TUT4: variants seen among roughly 807,000 people sequenced by gnomAD.
TUT4 encodes terminal uridylyltransferase 4.
A neutral mutation model predicts 192.2 loss-of-function variants in TUT4; 36 were observed. That is an observed-to-expected ratio of 0.19 (90% confidence interval 0.14 to 0.25). TUT4 has a LOEUF of 0.25. Ranked by LOEUF, TUT4 falls within the 10% of genes least tolerant of loss-of-function variation. TUT4 has a pLI of 1.00. For synonymous variants in TUT4, 618 were observed against 666.0 expected, an observed-to-expected ratio of 0.93 and a Z score of 1.11; for missense variants, 1,493 against 1,957.2, an observed-to-expected ratio of 0.76 and a Z score of 4.47.
intron 3 of TUT4, among the ~76,000 whole-genome samples, chr1:52,510,037 G>GT (rs1676679905): frequency 6.6e-6 from 1 of 152,108 alleles, no homozygotes; most frequent in Non-Finnish European, 1.5e-5. Flanking sequence ...GTCGGGCTGA[G>GT]TGTGGTGGCT....
chr1:52,470,364 A>G (rs1665402836), intron 14 of TUT4, among the ~76,000 whole-genome samples: 1 of 152,214 alleles, frequency 6.6e-6, no homozygotes, highest in Admixed American at 6.5e-5. Context: ...CTAAGTAAAA[A>G]TAAATGTAAA....
intron 4 of TUT4, among the ~76,000 whole-genome samples, chr1:52,500,947 C>G (rs1328563647): frequency 1.3e-5 from 2 of 151,822 alleles, no homozygotes; most frequent in Admixed American, 1.3e-4. Flanking sequence ...AAGAAAGATA[C>G]TAAAACCTAC....
At chr1:52,493,010 G>A (rs903502625) in intron 7 of TUT4, among the ~76,000 whole-genome samples, 3 of 152,098 alleles carry the variant, frequency 2.0e-5, no homozygotes, top group African/African-American at 7.2e-5. Context: ...TTTTACATAA[G>A]AAATGCCCAT....
At chr1:52,549,733 C>T (rs1688929672) in intron 1 of TUT4, among the ~76,000 whole-genome samples, 1 of 152,140 alleles carries the variant, frequency 6.6e-6, no homozygotes, top group Non-Finnish European at 1.5e-5. Flanking sequence ...AAATCACTAA[C>T]CTCTGTGACT....
chr1:52,430,782 G>A (rs376490703), intron 28 of TUT4, among the ~76,000 whole-genome samples: 5 of 152,162 alleles, frequency 3.3e-5, no homozygotes, highest in African/African-American at 1.2e-4. Flanking sequence ...CTATTTTACA[G>A]ATGAAACCAA....
At chr1:52,511,229 A>G (rs1325144062) in intron 3 of TUT4, among the ~76,000 whole-genome samples, 1 of 152,216 alleles carries the variant, frequency 6.6e-6, no homozygotes, top group Non-Finnish European at 1.5e-5. Context: ...GCCCAAGGCA[A>G]CAAGTAAATA....
At chr1:52,518,696 GA>G (rs1299285000) in intron 2 of TUT4, among the ~76,000 whole-genome samples, 3 of 152,142 alleles carry the variant, frequency 2.0e-5, no homozygotes, top group African/African-American at 7.2e-5. Context: ...GACACTAAAT[GA>G]AAGCCAGACA....
chr1:52,466,657 A>ATAT (rs1379713843), intron 15 of TUT4, among the ~76,000 whole-genome samples: 1 of 133,424 alleles, frequency 7.5e-6, no homozygotes, highest in African/African-American at 3.4e-5. Context: ...AAAAAAAAAA[A>ATAT]AAATATATAT....
intron 2 of TUT4, among the ~76,000 whole-genome samples, chr1:52,519,050 AT>A (rs1339313397): frequency 1.2e-4 from 18 of 152,348 alleles, no homozygotes; most frequent in African/African-American, 4.3e-4. Flanking sequence ...GAAAACATAC[AT>A]CCACACAAAA....
At chr1:52,444,674 C>T (rs1656832168) in intron 24 of TUT4, among the ~76,000 whole-genome samples, 1 of 149,246 alleles carries the variant, frequency 6.7e-6, no homozygotes, top group African/African-American at 2.5e-5. Context: ...AATCATCTTC[C>T]AGTGAACATA....
At chr1:52,426,720 A>G (rs1394581721) in intron 28 of TUT4, among the ~76,000 whole-genome samples, 1 of 152,202 alleles carries the variant, frequency 6.6e-6, no homozygotes, top group Non-Finnish European at 1.5e-5. Flanking sequence ...AAACTGGTAT[A>G]TCCAGAATTA....
At chr1:52,439,495 G>A (rs1306288248) in intron 24 of TUT4, among the ~76,000 whole-genome samples, 1 of 152,154 alleles carries the variant, frequency 6.6e-6, no homozygotes, top group Non-Finnish European at 1.5e-5. Flanking sequence ...AGACTAGTTG[G>A]TCCTAACAGT....
At chr1:52,455,123 A>C (rs1660498792) in intron 20 of TUT4, among the ~76,000 whole-genome samples, 1 of 152,014 alleles carries the variant, frequency 6.6e-6, no homozygotes, top group African/African-American at 2.4e-5. Flanking sequence ...ATCTCTATAA[A>C]ACATACAAAA....
At chr1:52,509,410 G>A (rs866820329) in intron 4 of TUT4, among the ~76,000 whole-genome samples, 186 bp downstream of exon 4, 12 of 152,090 alleles carry the variant, frequency 7.9e-5, no homozygotes, top group Admixed American at 6.6e-5. Flanking sequence ...TGAGCAAACC[G>A]GTCTCAACAA....
At position 52,475,310 on chromosome 1, in the gene TUT4, C is replaced by G. The variant is rs1328940489; in HGVS notation, c.2249G>C (p.Gly750Ala). 2.5e-6 allele frequency: 4 copies of G among 1,613,990 alleles called. No individual in the cohort carries two copies. Among genetic ancestry groups the G allele is most frequent in the Non-Finnish European group, 3.4e-6 (4 of 1,180,006 alleles). The change falls in exon 13 of 30, where the codon GGG becomes GCG. Residue 750 changes from glycine to alanine, a missense_variant. Gly to Ala is a moderately conservative substitution (Grantham distance 60, BLOSUM62 0). This residue lies in a region of TUT4 where 245 missense variants were observed against 218.4 expected (regional missense o/e 1.12). Transcript: ENST00000257177. ...NMATNGCILLGETTEKINAER... is the reference protein window; with the variant it reads ...NMATNGCILLAETTEKINAER... ...TGCATTTATTTTTTCTGTGGTTTCC[C>G]CAAGCAGAATACAACCATTGGTTGC...
rs144343253 is a variant in TUT4, at chr1:52,479,942, C to G, written c.1848+1481G>C. On this transcript the variant is annotated intron_variant, in intron 11 of 29. Coordinates refer to ENST00000257177, the MANE Select transcript of TUT4 (RefSeq NM_001009881.3). ...CCTGGGAGGCAGAGGTTTCAGTGAA[C>G]TGAGATCGTGCCACTGCACTCCAGC... Among the ~76,000 whole-genome samples, 1,296 of 145,050 alleles carry G rather than the reference C, an allele frequency of 8.9e-3. 22 individuals are homozygous for G. Among genetic ancestry groups the G allele is most frequent in the African/African-American group, 0.032 (1,228 of 38,574 alleles).
chr1:52,507,921 A>G (rs867193940), intron 4 of TUT4, among the ~76,000 whole-genome samples: 1 of 151,970 alleles, frequency 6.6e-6, no homozygotes, highest in Non-Finnish European at 1.5e-5. Context: ...AACAATTCTT[A>G]TACCTCAGCC....
At chr1:52,473,701 TG>T (rs1422791730) in intron 13 of TUT4, among the ~76,000 whole-genome samples, 3 of 152,264 alleles carry the variant, frequency 2.0e-5, no homozygotes, top group South Asian at 2.1e-4. Flanking sequence ...ACTTTCCTTT[TG>T]TTTTTTTTTA....
intron 5 of TUT4, 56 bp from the exon 6 acceptor site, chr1:52,495,571 A>G: frequency 7.4e-7 from 1 of 1,355,096 alleles, no homozygotes; most frequent in Non-Finnish European, 1.0e-6. Flanking sequence ...TGAGAGATGT[A>G]AAAAAACAGC....
Sources: allele counts gnomAD v4.1 joint callset (sites outside exome capture counted in the v4.1 genomes callset), GRCh38; gene constraint gnomAD v4.1.1; regional missense constraint gnomAD v4.1.1; transcripts MANE v1.5; gene names NCBI Gene and HGNC (gene_info 2026-07-23, HGNC 2026-07-21).